The following STAT5B variants were observed in gnomAD, a reference collection of about 807,000 sequenced individuals.
The protein encoded by STAT5B is transcription factor STAT5B.
Under a neutral mutation model 107.8 loss-of-function variants are expected in STAT5B, and 21 were observed. The observed-to-expected ratio is 0.19, with a 90% CI of 0.14 to 0.28. The LOEUF (loss-of-function observed/expected upper bound fraction) is 0.28, where lower values mean the gene tolerates loss of function less well. Ranked by LOEUF, STAT5B falls within the 10% of genes least tolerant of loss-of-function variation. The probability of loss-of-function intolerance (pLI) is 1.00; values close to 1 mark genes in which losing one functional copy is unlikely to be tolerated. For missense variants in STAT5B, 565 were observed against 1,008.2 expected, an observed-to-expected ratio of 0.56 and a Z score of 5.95; for synonymous variants, 325 against 401.7, an observed-to-expected ratio of 0.81 and a Z score of 2.28.
chr17:42,272,992 G>C (rs1458651231), intron 1 of STAT5B, among the ~76,000 whole-genome samples: 2 of 152,164 alleles, frequency 1.3e-5, no homozygotes, highest in Non-Finnish European at 2.9e-5. Context: ...AGGCTTTTCA[G>C]TAGCAGAGGA....
At chr17:42,275,940 G>A (rs1393593446) in intron 1 of STAT5B, among the ~76,000 whole-genome samples, 1 of 151,972 alleles carries the variant, frequency 6.6e-6, no homozygotes, top group Non-Finnish European at 1.5e-5. Flanking sequence ...GGGTCGGCGC[G>A]GGGTCCCCAC....
chr17:42,237,254 A>C (rs1356929118), intron 1 of STAT5B, among the ~76,000 whole-genome samples: 3 of 152,198 alleles, frequency 2.0e-5, no homozygotes, highest in Non-Finnish European at 4.4e-5. Flanking sequence ...TGTTAATAAA[A>C]GTTTCAAAGT....
At chr17:42,218,930 C>T (rs765883574) in intron 7 of STAT5B, 52 bp from the exon 8 acceptor site, 30 of 1,613,450 alleles carry the variant, frequency 1.9e-5, no homozygotes, top group South Asian at 3.3e-5. Context: ...TCCGCACAGA[C>T]GCCAGGCCCC....
At chr17:42,219,991 C>T in intron 5 of STAT5B, 149 bp from the exon 6 acceptor site, 1 of 1,398,770 alleles carries the variant, frequency 7.1e-7, no homozygotes, top group Admixed American at 2.3e-5. Context: ...GCCAGGGGGG[C>T]CAAGATGAAT....
intron 4 of STAT5B, 22 bp from the exon 5 acceptor site, chr17:42,223,578 T>C (rs202087101): frequency 3.7e-6 from 6 of 1,612,308 alleles, no homozygotes. Flanking sequence ...TGGGGGGCAG[T>C]GCAAGGCAGT....
At chr17:42,204,475 T>C (rs931468241) in intron 16 of STAT5B, among the ~76,000 whole-genome samples, 3 of 152,224 alleles carry the variant, frequency 2.0e-5, no homozygotes, top group African/African-American at 4.8e-5. Flanking sequence ...GGTTCACCAA[T>C]TGCTTATTAC....
intron 2 of STAT5B, 131 bp downstream of exon 2, chr17:42,231,869 C>T (rs1006885704): frequency 1.4e-6 from 2 of 1,396,976 alleles, no homozygotes; most frequent in African/African-American, 1.5e-5. Context: ...ATTTTAAATA[C>T]CTTTTTATGG....
chr17:42,258,427 C>T (rs1280002271), intron 1 of STAT5B, among the ~76,000 whole-genome samples: 1 of 152,154 alleles, frequency 6.6e-6, no homozygotes, highest in African/African-American at 2.4e-5. Flanking sequence ...GCCTGTAATC[C>T]CAGCACTTTG....
At chr17:42,223,751 A>G (rs2080250410) in intron 4 of STAT5B, among the ~76,000 whole-genome samples, 195 bp from the exon 5 acceptor site, 1 of 152,212 alleles carries the variant, frequency 6.6e-6, no homozygotes, top group Admixed American at 6.5e-5. Context: ...CGGACAGATC[A>G]TGGCTCAGAT....
intron 1 of STAT5B, among the ~76,000 whole-genome samples, chr17:42,243,268 A>C (rs1207548547): frequency 1.3e-5 from 2 of 152,170 alleles, no homozygotes; most frequent in African/African-American, 4.8e-5. Flanking sequence ...AGGCACAAGA[A>C]TCTCTTGAAC....
upstream of STAT5B, among the ~76,000 whole-genome samples, chr17:42,278,762 C>T (rs1026864266): frequency 2.0e-5 from 3 of 152,082 alleles, no homozygotes; most frequent in African/African-American, 4.8e-5. Flanking sequence ...CGGTGGATCA[C>T]GAGGTCAGGT....
Position 42,201,520 on chromosome 17 carries a change from ACACG to A in STAT5B, c.*214_*217del, listed in dbSNP as rs1310707072. ...GAGGGAGAAACACCATAACGTGCAA[ACACG>A]CACACACACACACACACACACACAC... is the stretch of plus-strand genomic sequence containing the variant. On this transcript the variant is annotated 3_prime_UTR_variant, in exon 19 of 19. Coordinates refer to ENST00000293328, the MANE Select transcript of STAT5B (RefSeq NM_012448.4). 9.5e-6 allele frequency: 6 copies of A among 628,596 alleles called. No individual in the cohort carries two copies. Among genetic ancestry groups the A allele is most frequent in the African/African-American group, 8.3e-5 (4 of 48,072 alleles). The allele number at this position is 628,596 out of a possible 1,614,324, so 38.9% of individuals were successfully genotyped here.
intron 1 of STAT5B, among the ~76,000 whole-genome samples, chr17:42,244,990 C>T (rs964628137): frequency 1.3e-4 from 20 of 151,758 alleles, no homozygotes; most frequent in Non-Finnish European, 1.6e-4. Context: ...CAACCCCCAC[C>T]GCTCGTGTTC....
At chr17:42,217,106 G>C in intron 11 of STAT5B, 54 bp downstream of exon 11, 1 of 1,575,964 alleles carries the variant, frequency 6.3e-7, no homozygotes, top group Non-Finnish European at 8.6e-7. Context: ...GTAACATAAA[G>C]TACACCACAC....
At chr17:42,220,178 T>G (rs575023570) in intron 5 of STAT5B, among the ~76,000 whole-genome samples, 4 of 152,292 alleles carry the variant, frequency 2.6e-5, no homozygotes, top group East Asian at 1.9e-4. Context: ...CCAGGCTGTC[T>G]GGGGTGTAAG....
At chr17:42,268,979 G>C (rs934450743) in intron 1 of STAT5B, among the ~76,000 whole-genome samples, 1 of 152,164 alleles carries the variant, frequency 6.6e-6, no homozygotes, top group Admixed American at 6.5e-5. Flanking sequence ...TGACATGTAT[G>C]AATGTAACTT....
chr17:42,232,840 G>GTTTTT (rs931007817), intron 1 of STAT5B, among the ~76,000 whole-genome samples: 1 of 133,336 alleles, frequency 7.5e-6, no homozygotes, highest in African/African-American at 2.8e-5. Flanking sequence ...TTAGCAGAGA[G>GTTTTT]TTTTTTTTTT....
intron 11 of STAT5B, among the ~76,000 whole-genome samples, chr17:42,216,564 G>C (rs1180622261): frequency 6.6e-6 from 1 of 152,066 alleles, no homozygotes; most frequent in African/African-American, 2.4e-5. Flanking sequence ...TTGTTGTTGA[G>C]ACGGGGTCTC....
the STAT5B span, among the ~76,000 whole-genome samples, chr17:42,285,065 T>C: frequency 1.3e-5 from 2 of 152,204 alleles, no homozygotes; most frequent in Non-Finnish European, 2.9e-5. Context: ...AGGTCTTCTT[T>C]TGGAGAATAT....
Sources: allele counts gnomAD v4.1 joint callset (sites outside exome capture counted in the v4.1 genomes callset), GRCh38; gene constraint gnomAD v4.1.1; transcripts MANE v1.5; gene names NCBI Gene and HGNC (gene_info 2026-07-23, HGNC 2026-07-21).